The following KLHL1 variants were observed in gnomAD, a reference collection of about 807,000 sequenced individuals.
KLHL1 encodes kelch like family member 1.
KLHL1 carries 47 observed loss-of-function variants against 77.7 expected under a neutral mutation model. The ratio of observed to expected loss-of-function variants is 0.60; its 90% CI spans 0.48 to 0.77. The LOEUF (loss-of-function observed/expected upper bound fraction) is 0.77, where lower values mean the gene tolerates loss of function less well. Ranked by LOEUF, KLHL1 falls within the 30% of genes least tolerant of loss-of-function variation. The pLI is 0.00. For synonymous variants in KLHL1, 360 were observed against 325.2 expected, an observed-to-expected ratio of 1.11 and a Z score of -1.15; for missense variants, 925 against 910.8, an observed-to-expected ratio of 1.02 and a Z score of -0.20.
At chr13:69,917,435 A>G (rs563094647) in intron 4 of KLHL1, among the ~76,000 whole-genome samples, 1 of 152,150 alleles carries the variant, frequency 6.6e-6, no homozygotes, top group African/African-American at 2.4e-5. Flanking sequence ...TATAAAACTG[A>G]CCTAGAATTA....
chr13:69,889,636 C>T (rs964707472), intron 4 of KLHL1, among the ~76,000 whole-genome samples: 1 of 151,900 alleles, frequency 6.6e-6, no homozygotes, highest in Admixed American at 6.6e-5. Flanking sequence ...CTGGGTCGCA[C>T]AATATGGCAT....
chr13:69,958,148 T>C lies in KLHL1; in HGVS notation c.817+3160A>G, dbSNP rs145393484. ...GTACATATTGCTAAGTATTAACCTT[T>C]ACATATTTTTTTCTTTTAAGAAACT... is the stretch of plus-strand genomic sequence containing the variant. On this transcript the variant is annotated intron_variant, in intron 3 of 10. Coordinates refer to ENST00000377844, the MANE Select transcript of KLHL1 (RefSeq NM_020866.3). Among the ~76,000 whole-genome samples, 308 of 151,876 alleles carry C rather than the reference T, an allele frequency of 2.0e-3. 1 individual carries two copies. The highest frequency in any genetic ancestry group is 6.9e-3 in the African/African-American group (286 of 41,510).
chr13:70,072,760 T>C (rs9542173), intron 1 of KLHL1, among the ~76,000 whole-genome samples: 132,573 of 152,066 alleles, frequency 0.87, 57,891 homozygotes, highest in East Asian at 1. Context: ...ATGATAAAAG[T>C]GCTCAGCTGG....
intron 7 of KLHL1, among the ~76,000 whole-genome samples, chr13:69,752,917 T>A (rs966668131): frequency 6.6e-6 from 1 of 152,188 alleles, no homozygotes; most frequent in Non-Finnish European, 1.5e-5. Context: ...ACCAAAGCCA[T>A]GCTTCTTACT....
chr13:69,712,945 GA>G (rs1875950072), intron 9 of KLHL1, among the ~76,000 whole-genome samples: 1 of 151,636 alleles, frequency 6.6e-6, no homozygotes, highest in Admixed American at 6.6e-5. Flanking sequence ...GAGTAGCTGG[GA>G]CTACAGGCAT....
At chr13:69,966,204 A>C (rs887482751) in intron 2 of KLHL1, among the ~76,000 whole-genome samples, 6 of 152,162 alleles carry the variant, frequency 3.9e-5, no homozygotes, top group Non-Finnish European at 8.8e-5. Flanking sequence ...GTTAGAGAGA[A>C]GTCAATGACT....
intron 6 of KLHL1, among the ~76,000 whole-genome samples, chr13:69,811,941 C>T (rs1340685309): frequency 1.3e-5 from 2 of 152,100 alleles, no homozygotes; most frequent in Non-Finnish European, 2.9e-5. Context: ...TTGCCTTCTG[C>T]TAGCTTTTGA....
intron 1 of KLHL1, among the ~76,000 whole-genome samples, chr13:70,061,155 T>C (rs1315260274): frequency 3.3e-5 from 5 of 152,122 alleles, no homozygotes; most frequent in Non-Finnish European, 7.3e-5. Context: ...ACTCACTTAA[T>C]GTTTTAATCA....
At chr13:70,068,320 G>C (rs1400706845) in intron 1 of KLHL1, among the ~76,000 whole-genome samples, 1 of 151,178 alleles carries the variant, frequency 6.6e-6, no homozygotes, top group African/African-American at 2.4e-5. Flanking sequence ...CAGCCTGGGC[G>C]ACAGAGCGAG....
chr13:69,760,107 C>T (rs1291009910), intron 7 of KLHL1, among the ~76,000 whole-genome samples: 12 of 152,008 alleles, frequency 7.9e-5, no homozygotes, highest in Admixed American at 7.9e-4. Flanking sequence ...CAATTTAGTT[C>T]AATAATCAGA....
At chr13:69,761,410 GTTACAGT>G (rs1875014453) in intron 7 of KLHL1, among the ~76,000 whole-genome samples, 1 of 152,130 alleles carries the variant, frequency 6.6e-6, no homozygotes, top group South Asian at 2.1e-4. Context: ...CTCCAGTTAG[GTTACAGT>G]TTACTAGGTA....
At chr13:69,924,966 C>A (rs949517670) in intron 4 of KLHL1, among the ~76,000 whole-genome samples, 2 of 152,306 alleles carry the variant, frequency 1.3e-5, no homozygotes, top group Non-Finnish European at 1.5e-5. Context: ...GCATGTCTGG[C>A]TGTGCACAGT....
At chr13:69,721,089 A>ATATATATACAAATT in intron 8 of KLHL1, among the ~76,000 whole-genome samples, 7 of 77,962 alleles carry the variant, frequency 9.0e-5, no homozygotes, top group African/African-American at 1.5e-4. Context: ...AAAGCTATGT[A>ATATATATACAAATT]CCTCCCTTAC....
chr13:69,796,268 T>A (rs751510801), intron 7 of KLHL1, among the ~76,000 whole-genome samples: 13 of 152,202 alleles, frequency 8.5e-5, no homozygotes, highest in Non-Finnish European at 1.9e-4. Context: ...TGTCATAGTT[T>A]GGATGTTTGT....
chr13:70,031,496 T>C (rs1886099156), intron 1 of KLHL1, among the ~76,000 whole-genome samples: 1 of 152,220 alleles, frequency 6.6e-6, no homozygotes, highest in Non-Finnish European at 1.5e-5. Flanking sequence ...TAAAATGGTC[T>C]AGAGAAAAAT....
At chr13:69,728,475 C>T (rs777476083) in intron 8 of KLHL1, among the ~76,000 whole-genome samples, 7 of 151,688 alleles carry the variant, frequency 4.6e-5, no homozygotes, top group South Asian at 2.1e-4. Flanking sequence ...TGTGCAGTGG[C>T]GCAATCTCAG....
intron 1 of KLHL1, among the ~76,000 whole-genome samples, chr13:70,038,574 GTCAT>G (rs1380630764): frequency 1.8e-3 from 221 of 119,808 alleles, no homozygotes; most frequent in African/African-American, 6.2e-3. Flanking sequence ...ATTTGGGATT[GTCAT>G]TAATTTTTTT....
intron 1 of KLHL1, among the ~76,000 whole-genome samples, chr13:70,068,077 C>T (rs777965424): frequency 2.7e-5 from 4 of 150,762 alleles, no homozygotes; most frequent in Non-Finnish European, 4.4e-5. Flanking sequence ...TGCAGTTGCT[C>T]ACGCCTGTAA....
At chr13:70,062,708 T>C (rs879735249) in intron 1 of KLHL1, among the ~76,000 whole-genome samples, 7 of 152,154 alleles carry the variant, frequency 4.6e-5, no homozygotes, top group Non-Finnish European at 7.4e-5. Context: ...TTTTATCTGC[T>C]TACTTATCAT....
Sources: allele counts gnomAD v4.1 joint callset (sites outside exome capture counted in the v4.1 genomes callset), GRCh38; gene constraint gnomAD v4.1.1; transcripts MANE v1.5; gene names NCBI Gene and HGNC (gene_info 2026-07-23, HGNC 2026-07-21).